The following ZNF678 variants were observed in gnomAD, a reference collection of about 807,000 sequenced individuals.
ZNF678 encodes hypothetical protein MGC42493.
A neutral mutation model predicts 3.0 loss-of-function variants in ZNF678; 5 were observed. That is an observed-to-expected ratio of 1.69 (90% CI 0.88 to 3.56). The LOEUF is 3.56. Among genes scored for constraint, ZNF678 ranks in the 30% most tolerant of loss-of-function variants. The probability of loss-of-function intolerance (pLI) is 0.00; values close to 1 mark genes in which losing one functional copy is unlikely to be tolerated. For missense variants in ZNF678, 593 were observed against 605.0 expected (o/e 0.98, Z 0.21); for synonymous variants, 218 against 199.6 (o/e 1.09, Z -0.78).
rs1659264797 is a variant in ZNF678 at position 227,656,966 on chromosome 1, C to G, written c.*1138C>G. On this transcript the variant is annotated 3_prime_UTR_variant, in exon 4 of 4. Coordinates refer to ENST00000343776, the MANE Select transcript of ZNF678 (RefSeq NM_001367909.1). Reference sequence around the variant, plus strand: ...ACAGTGAAAGGACACCTCTAGTAATCTCTTTTCCCAGTGGCTTTTAATTTC... The same window carrying G: ...ACAGTGAAAGGACACCTCTAGTAATGTCTTTTCCCAGTGGCTTTTAATTTC... 6.6e-6 allele frequency: 1 copy of G among 152,040 alleles called. No individual in the cohort carries two copies. The highest frequency in any genetic ancestry group is 2.1e-4 in the South Asian group (1 of 4,818). 9.4% of individuals were successfully genotyped at this position (152,040 alleles called of 1,614,324 possible).
chr1:227,599,552 AT>A (rs1353837688), intron 1 of ZNF678, among the ~76,000 whole-genome samples: 1 of 152,222 alleles, frequency 6.6e-6, no homozygotes, highest in African/African-American at 2.4e-5. Flanking sequence ...GATTAAAATT[AT>A]GTCATAAAAT....
intron 1 of ZNF678, among the ~76,000 whole-genome samples, chr1:227,627,860 G>A (rs183950303): frequency 6.6e-6 from 1 of 152,286 alleles, no homozygotes; most frequent in East Asian, 1.9e-4. Context: ...TACAAGTTGA[G>A]CTCAGGATCC....
rs936153361 is a variant in ZNF678 at position 227,598,834 on chromosome 1, T to G, written c.-164+35110T>G. ...GAAGAACTGCTGGAAGAATTAGAGC[T>G]TAATGAAGAAGAAGATGAATACCTA... is the stretch of plus-strand genomic sequence containing the variant. On this transcript the variant is annotated intron_variant, in intron 1 of 3. Coordinates refer to ENST00000343776, the MANE Select transcript of ZNF678 (RefSeq NM_001367909.1). 8.5e-6 allele frequency: 5 copies of G among 591,712 alleles called. No individual in the cohort carries two copies. The Admixed American group carries it at 1.2e-4, about 14-fold the overall frequency. The allele number at this position is 591,712 out of a possible 1,614,324, so 36.7% of individuals were successfully genotyped here.
At chr1:227,671,050 A>G (rs1304388634) in intron 5 of ZNF678, among the ~76,000 whole-genome samples, 1 of 149,798 alleles carries the variant, frequency 6.7e-6, no homozygotes, top group Non-Finnish European at 1.5e-5. Flanking sequence ...TTTGTTAGGA[A>G]AATTATGGCA....
intron 5 of ZNF678, among the ~76,000 whole-genome samples, chr1:227,671,477 T>C (rs539127750): frequency 1.5e-4 from 23 of 152,168 alleles, no homozygotes; most frequent in Non-Finnish European, 3.1e-4. Flanking sequence ...ATGCCCAGTG[T>C]AGTATGAATA....
chr1:227,651,024 T>C lies in ZNF678; in HGVS notation c.33T>C (p.Cys11=), dbSNP rs903601642. Residue 11 remains cysteine, a synonymous_variant, in exon 3 of 4, where the codon TGT becomes TGC. Transcript: ENST00000343776. Reference sequence around the variant, plus strand: ...CAATATCACTTTGCATTGGTGTCTGTGCATTTGAAGGAGCAAACACCTCTA... The same window carrying C: ...CAATATCACTTTGCATTGGTGTCTGCGCATTTGAAGGAGCAAACACCTCTA... MGTISLCIGV[C]AFEGANTSTS... is the part of the protein sequence containing the mutation. The C allele has an allele frequency of 6.2e-7, 1 of 1,613,604 alleles. No homozygotes were observed. Among genetic ancestry groups the C allele is most frequent in the Non-Finnish European group, 8.5e-7 (1 of 1,179,804 alleles).
chr1:227,643,863 C>CTTTTTTTTTTTTTTTTTTTTT (rs554280668), intron 1 of ZNF678, among the ~76,000 whole-genome samples: 1 of 115,426 alleles, frequency 8.7e-6, no homozygotes, highest in Non-Finnish European at 1.7e-5. Flanking sequence ...CTTTTCTTTT[C>CTTTTTTTTTTTTTTTTTTTTT]TTTTTTTTTT....
chr1:227,665,700 T>C (rs142260938), downstream of ZNF678, among the ~76,000 whole-genome samples: 3,177 of 152,370 alleles, frequency 0.021, 46 homozygotes, highest in Non-Finnish European at 0.031. Flanking sequence ...TGACTAAGCC[T>C]GAGCATATTT....
chr1:227,655,662 A>ACC lies in ZNF678; in HGVS notation c.1413_1414dup (p.Gln472ProfsTer80). 6.2e-7 allele frequency: 1 copy of ACC among 1,612,654 alleles called. No individual in the cohort carries two copies. Among genetic ancestry groups the ACC allele is most frequent in the Admixed American group, 1.7e-5 (1 of 59,862 alleles). On this transcript the variant is annotated frameshift_variant, in exon 4 of 4. Coordinates refer to ENST00000343776, the MANE Select transcript of ZNF678 (RefSeq NM_001367909.1). LOFTEE classifies it low-confidence loss of function (END_TRUNC). ...TGTGAAGAATGTGGCAAAGCCTTTAACCAGTTCTCAAGCCTTACTCGTCAT... is the reference window on the plus strand; with the variant it reads ...TGTGAAGAATGTGGCAAAGCCTTTAACCCCAGTTCTCAAGCCTTACTCGTCAT...
chr1:227,563,865 T>A, intron 1 of ZNF678, 141 bp downstream of exon 1: 2 of 728,670 alleles, frequency 2.7e-6, no homozygotes, highest in Non-Finnish European at 4.2e-6. Context: ...GCCGCGGGAT[T>A]CTCCTCCCAT....
chr1:227,672,547 A>G (rs1659618940), intron 5 of ZNF678, among the ~76,000 whole-genome samples: 1 of 151,896 alleles, frequency 6.6e-6, no homozygotes, highest in Non-Finnish European at 1.5e-5. Flanking sequence ...CATCATCTCA[A>G]CCTTAGTGTT....
At chr1:227,568,099 T>G (rs1442237194) in intron 1 of ZNF678, among the ~76,000 whole-genome samples, 1 of 152,172 alleles carries the variant, frequency 6.6e-6, no homozygotes, top group Non-Finnish European at 1.5e-5. Flanking sequence ...GCTGAGTGTG[T>G]GTCAAAGTTC....
chr1:227,666,322 T>A (rs768468161), downstream of ZNF678, among the ~76,000 whole-genome samples: 1 of 152,184 alleles, frequency 6.6e-6, no homozygotes, highest in Non-Finnish European at 1.5e-5. Context: ...CTGACAGTAT[T>A]ATCTAATGGA....
chr1:227,643,679 A>C (rs1658879405), intron 1 of ZNF678, among the ~76,000 whole-genome samples: 1 of 152,078 alleles, frequency 6.6e-6, no homozygotes, highest in African/African-American at 2.4e-5. Context: ...TGTTTCTAAA[A>C]ACATTTTGCT....
At chr1:227,634,646 G>GGA (rs1658629975) in intron 1 of ZNF678, among the ~76,000 whole-genome samples, 1 of 152,098 alleles carries the variant, frequency 6.6e-6, no homozygotes, top group Non-Finnish European at 1.5e-5. Context: ...AACAAAATGA[G>GGA]GAGAGAGAGA....
At chr1:227,612,505 T>C (rs550398953) in intron 1 of ZNF678, among the ~76,000 whole-genome samples, 1 of 152,310 alleles carries the variant, frequency 6.6e-6, no homozygotes, top group South Asian at 2.1e-4. Context: ...TCACCGTGTC[T>C]AGACTCACAC....
intron 1 of ZNF678, among the ~76,000 whole-genome samples, chr1:227,620,325 A>G (rs1658249744): frequency 6.6e-6 from 1 of 152,070 alleles, no homozygotes; most frequent in Non-Finnish European, 1.5e-5. Flanking sequence ...GTTTTCAGTA[A>G]GTTAACGTTA....
intron 3 of ZNF678, among the ~76,000 whole-genome samples, chr1:227,651,669 T>G (rs2102802480): frequency 6.6e-6 from 1 of 152,338 alleles, no homozygotes; most frequent in East Asian, 1.9e-4. Flanking sequence ...ACTTGCTTTC[T>G]GAAAAAGGCT....
chr1:227,670,852 T>A (rs1659588366), intron 5 of ZNF678, among the ~76,000 whole-genome samples: 1 of 152,212 alleles, frequency 6.6e-6, no homozygotes, highest in Non-Finnish European at 1.5e-5. Context: ...TACTCTGGTT[T>A]TAATAATTAT....
Sources: gnomAD v4.1 joint callset for allele counts (sites outside exome capture counted in the v4.1 genomes callset) on GRCh38, gnomAD v4.1.1 for gene constraint, MANE v1.5 for transcripts, NCBI Gene and HGNC (gene_info 2026-07-23, HGNC 2026-07-21) for gene names.